OSBPL6: variants seen among roughly 807,000 people sequenced by gnomAD.
OSBPL6 encodes the protein oxysterol-binding protein-related protein 6.
A neutral mutation model predicts 125.8 loss-of-function variants in OSBPL6; 49 were observed. The ratio of observed to expected loss-of-function variants is 0.39; its 90% CI spans 0.31 to 0.49. The LOEUF (loss-of-function observed/expected upper bound fraction) is 0.49, where lower values mean the gene tolerates loss of function less well. Ranked by LOEUF, OSBPL6 falls within the 20% of genes least tolerant of loss-of-function variation. The probability of loss-of-function intolerance (pLI) is 0.88; values close to 1 mark genes in which losing one functional copy is unlikely to be tolerated. For missense variants in OSBPL6, 986 were observed against 1,135.4 expected, an observed-to-expected ratio of 0.87 and a Z score of 1.89; for synonymous variants, 394 against 391.8, an observed-to-expected ratio of 1.01 and a Z score of -0.07.
rs540302470 is a variant in OSBPL6 at position 178,228,403 on chromosome 2, C to T, written c.-351+33729C>T. ...ACAAAAAATGAGCCGGGTGTGGTGG[C>T]GTGCGCCTGTAGTCTCAGCTACTCG... On this transcript the variant is annotated intron_variant, in intron 1 of 24. Coordinates refer to ENST00000190611, the MANE Select transcript of OSBPL6 (RefSeq NM_032523.4). Among the ~76,000 whole-genome samples the T allele has an allele frequency of 5.7e-3, 861 of 152,250 alleles. 6 individuals are homozygous for T. The highest frequency in any genetic ancestry group is 0.018 in the African/African-American group (755 of 41,540).
At chr2:178,313,349 T>A (rs1687457146) in intron 3 of OSBPL6, among the ~76,000 whole-genome samples, 1 of 152,232 alleles carries the variant, frequency 6.6e-6, no homozygotes, top group Admixed American at 6.5e-5. Flanking sequence ...TCAAGTCATA[T>A]CAGAAAATCA....
chr2:178,303,056 C>T (rs887081501), intron 2 of OSBPL6, among the ~76,000 whole-genome samples: 1 of 152,216 alleles, frequency 6.6e-6, no homozygotes, highest in Admixed American at 6.5e-5. Context: ...ATTCTGTTTG[C>T]TGGCACCACA....
At chr2:178,212,932 C>T (rs1169639519) in intron 1 of OSBPL6, among the ~76,000 whole-genome samples, 4 of 152,008 alleles carry the variant, frequency 2.6e-5, no homozygotes, top group African/African-American at 9.7e-5. Flanking sequence ...CTCAGCCTCC[C>T]GAGTAGCTGG....
intron 3 of OSBPL6, among the ~76,000 whole-genome samples, chr2:178,322,513 G>A (rs539536946): frequency 6.6e-6 from 1 of 152,218 alleles, no homozygotes; most frequent in East Asian, 1.9e-4. Flanking sequence ...TTTGTTCTCT[G>A]TGGCCCTGTC....
chr2:178,253,333 A>G (rs1407496002), intron 1 of OSBPL6, among the ~76,000 whole-genome samples: 1 of 152,064 alleles, frequency 6.6e-6, no homozygotes, highest in Non-Finnish European at 1.5e-5. Context: ...AAACCACTGT[A>G]TATGAGCAGA....
chr2:178,255,742 G>A (rs2091864740), intron 1 of OSBPL6, among the ~76,000 whole-genome samples: 2 of 152,188 alleles, frequency 1.3e-5, no homozygotes, highest in Admixed American at 1.3e-4. Context: ...AAAAAACTAG[G>A]TTGGGGGAGG....
At chr2:178,290,570 C>CTATATAATCA (rs1685165401) in intron 2 of OSBPL6, among the ~76,000 whole-genome samples, 1 of 151,990 alleles carries the variant, frequency 6.6e-6, no homozygotes, top group Non-Finnish European at 1.5e-5. Flanking sequence ...CTGGACACAC[C>CTATATAATCA]TATATAATCA....
At chr2:178,326,548 G>GA (rs1219879801) in intron 4 of OSBPL6, among the ~76,000 whole-genome samples, 1 of 152,138 alleles carries the variant, frequency 6.6e-6, no homozygotes, top group African/African-American at 2.4e-5. Context: ...GTTTTCTTAA[G>GA]ATAGTCCTAG....
chr2:178,392,499 T>G lies in OSBPL6; in HGVS notation c.2534T>G (p.Leu845Arg). The change falls in exon 23 of 25, where the codon CTC (leucine) becomes CGC (arginine). Residue 845 changes from leucine to arginine, a missense_variant. Around this residue, in one of 3 missense-constraint regions of OSBPL6, gnomAD observed 843 missense variants for 997.3 expected, o/e 0.85. Coordinates refer to ENST00000190611, the MANE Select transcript of OSBPL6 (RefSeq NM_032523.4). The stretch of plus-strand genomic sequence containing the variant: ...GAGTTAGATCCAGTACTAAAAGATC[T>G]CCTTCCACCAACAGACGCCCGGTTC... Reference protein sequence around the residue: ...LNELDPVLKDLLPPTDARFRP... With the variant: ...LNELDPVLKDRLPPTDARFRP... 6.2e-7 allele frequency: 1 copy of G among 1,614,124 alleles called. No homozygotes were observed. The highest frequency in any genetic ancestry group is 8.5e-7 in the Non-Finnish European group (1 of 1,180,008).
intron 3 of OSBPL6, among the ~76,000 whole-genome samples, chr2:178,319,116 C>A (rs1314112604): frequency 6.6e-6 from 1 of 152,190 alleles, no homozygotes; most frequent in Non-Finnish European, 1.5e-5. Flanking sequence ...GTCTGTAGAG[C>A]TGCAAAATTT....
chr2:178,215,626 C>T (rs983753339), intron 1 of OSBPL6, among the ~76,000 whole-genome samples: 1 of 151,982 alleles, frequency 6.6e-6, no homozygotes, highest in Admixed American at 6.6e-5. Context: ...GAAGCCCTCT[C>T]TCGGGGAGTG....
At chr2:178,215,547 A>G (rs1350467794) in intron 1 of OSBPL6, among the ~76,000 whole-genome samples, 1 of 152,174 alleles carries the variant, frequency 6.6e-6, no homozygotes, top group African/African-American at 2.4e-5. Context: ...AGGTTGGAGT[A>G]TAGACGGTGA....
chr2:178,380,875 CA>C (rs1329663759), intron 15 of OSBPL6, among the ~76,000 whole-genome samples: 1 of 152,084 alleles, frequency 6.6e-6, no homozygotes, highest in East Asian at 1.9e-4. Context: ...TGCTATAAAG[CA>C]ATATGTAAAC....
At position 178,201,858 on chromosome 2, in the gene OSBPL6, A is replaced by G. The variant is rs79465025; in HGVS notation, c.-351+7184A>G. On this transcript the variant is annotated intron_variant, in intron 1 of 24. Coordinates refer to ENST00000190611, the MANE Select transcript of OSBPL6 (RefSeq NM_032523.4). ...GAGAAGTGTGCCTGACAGTGTTCCCATGACCATTCTTACATGTGCTTGTTA... is the reference window on the plus strand; with the variant it reads ...GAGAAGTGTGCCTGACAGTGTTCCCGTGACCATTCTTACATGTGCTTGTTA... 9.6e-3 allele frequency among the ~76,000 whole-genome samples: 1,456 copies of G among 152,328 alleles called. 51 individuals carry two copies. In the East Asian group the frequency reaches 0.12, roughly 13 times the overall value.
Position 178,328,227 on chromosome 2 carries a change from T to C in OSBPL6, c.196-29T>C, listed in dbSNP as rs779802529. ...GTGTGTCATCAGGCACTGAGTAACA[T>C]GTGATTTGTTTTTCTTCTTTTCTCT... On this transcript the variant is annotated intron_variant, in intron 4 of 24. Transcript: ENST00000190611. 7.4e-6 allele frequency: 12 copies of C among 1,611,858 alleles called. No individual in the cohort carries two copies. The Admixed American group carries it at 1.3e-4, about 18-fold the overall frequency.
intron 11 of OSBPL6, among the ~76,000 whole-genome samples, chr2:178,346,809 T>C (rs7587155): frequency 0.16 from 24,101 of 152,210 alleles, 2,009 homozygotes; most frequent in Admixed American, 0.23. Flanking sequence ...CCAATTTGTA[T>C]TCTCAATTTC....
intron 10 of OSBPL6, 137 bp from the exon 11 acceptor site, chr2:178,339,535 A>G (rs1236616011): frequency 1.0e-5 from 5 of 480,574 alleles, no homozygotes; most frequent in Non-Finnish European, 1.8e-5. Flanking sequence ...TTCGTCTAAT[A>G]TGCCTTTCTG....
intron 1 of OSBPL6, among the ~76,000 whole-genome samples, chr2:178,212,009 C>T (rs77653174): frequency 0.043 from 6,472 of 152,238 alleles, 188 homozygotes; most frequent in South Asian, 0.09. Context: ...TTGGGGGCTG[C>T]TTTGCCATAT....
chr2:178,332,778 C>T lies in OSBPL6; in HGVS notation c.486+24C>T, dbSNP rs147345215. 6.1e-4 allele frequency: 990 copies of T among 1,611,990 alleles called. 3 individuals carry two copies. In the African/African-American group the frequency reaches 0.012, roughly 19 times the overall value. ...AGGTGAAATCAGTTTTCAACAGTTT[C>T]TCTGCCATTATCAGGGGAAACGATT... On this transcript the variant is annotated intron_variant, in intron 7 of 24. Transcript: ENST00000190611.
Sources: allele counts gnomAD v4.1 joint callset (sites outside exome capture counted in the v4.1 genomes callset), GRCh38; gene constraint gnomAD v4.1.1; regional missense constraint gnomAD v4.1.1; transcripts MANE v1.5; gene names NCBI Gene and HGNC (gene_info 2026-07-23, HGNC 2026-07-21).